FRMPD4: variants seen among roughly 807,000 people sequenced by gnomAD.
FRMPD4 encodes FERM and PDZ domain containing 4.
In FRMPD4, 22 loss-of-function variants were observed where a neutral mutation model predicts 94.1. That is an observed-to-expected ratio of 0.23 (90% CI 0.17 to 0.33). The LOEUF (loss-of-function observed/expected upper bound fraction) is 0.33, where lower values mean the gene tolerates loss of function less well. Ranked by LOEUF, FRMPD4 falls within the 10% of genes least tolerant of loss-of-function variation. The pLI, the probability that FRMPD4 is intolerant of heterozygous loss-of-function variation, is 1.00. For missense variants in FRMPD4, 1,111 were observed against 1,339.9 expected, an observed-to-expected ratio of 0.83 and a Z score of 2.67; for synonymous variants, 631 against 548.6, an observed-to-expected ratio of 1.15 and a Z score of -2.10.
chrX:12,263,729 T>C (rs771323959), intron 1 of FRMPD4, among the ~76,000 whole-genome samples: 4 of 110,230 alleles, frequency 3.6e-5, no homozygotes, highest in Admixed American at 9.6e-5. Flanking sequence ...AGTTTGGATA[T>C]GGAGTGTGTC....
At chrX:12,653,733 T>TAA (rs35537156) in intron 4 of FRMPD4, among the ~76,000 whole-genome samples, 8,761 of 93,352 alleles carry the variant, frequency 0.094, 492 homozygotes, top group African/African-American at 0.18. Flanking sequence ...TATGACTTAC[T>TAA]AAAAAAAAAA....
At chrX:12,195,277 C>T (rs1233673926) in intron 1 of FRMPD4, among the ~76,000 whole-genome samples, 1 of 108,187 alleles carries the variant, frequency 9.2e-6, no homozygotes, top group Non-Finnish European at 1.9e-5. Context: ...TTTGGGATCA[C>T]AAAGACCACC....
chrX:12,305,747 T>TTTTTTTTTTG (rs1569225517), intron 1 of FRMPD4, among the ~76,000 whole-genome samples: 1 of 91,699 alleles, frequency 1.1e-5, no homozygotes, highest in Admixed American at 1.3e-4. Flanking sequence ...TTTTTTTTTT[T>TTTTTTTTTTG]ACAGAGACAG....
At chrX:12,593,406 T>G (rs2059000713) in intron 2 of FRMPD4, among the ~76,000 whole-genome samples, 1 of 112,213 alleles carries the variant, frequency 8.9e-6, no homozygotes, top group Non-Finnish European at 1.9e-5. Flanking sequence ...TATATTAAAC[T>G]TTCATTGTGA....
At chrX:12,299,160 A>G (rs1039001058) in intron 1 of FRMPD4, among the ~76,000 whole-genome samples, 9 of 111,603 alleles carry the variant, frequency 8.1e-5, no homozygotes, top group Non-Finnish European at 1.5e-4. Context: ...ACTGTCTTCA[A>G]ATTTGTACTT....
intron 2 of FRMPD4, among the ~76,000 whole-genome samples, chrX:12,503,513 A>G (rs1226947549): frequency 8.9e-6 from 1 of 112,479 alleles, no homozygotes; most frequent in Admixed American, 9.4e-5. Context: ...GTTCTGCAGT[A>G]TGGGCTTGGC....
rs188611485 is a variant in FRMPD4, at chrX:11,904,441, G to A, written c.95+26423G>A. Among the ~76,000 whole-genome samples the A allele has an allele frequency of 2.4e-3, 273 of 112,336 alleles. 1 individual carries two copies. The highest frequency in any genetic ancestry group is 4.4e-3 in the Non-Finnish European group (234 of 53,230). ...TATCCTTGATCCTCTTAGATGAAAG[G>A]CAGGGGACGTTGTTAAAATGTTGGC... On this transcript the variant is annotated intron_variant, in intron 3 of 18. Transcript: ENST00000640291.
At chrX:12,394,308 T>A (rs1268333230) in intron 1 of FRMPD4, among the ~76,000 whole-genome samples, 1 of 111,480 alleles carries the variant, frequency 9.0e-6, no homozygotes, top group Non-Finnish European at 1.9e-5. Flanking sequence ...AATGAAGGAA[T>A]TGAAGTTAGT....
At position 12,702,017 on chromosome X, in the gene FRMPD4, G is replaced by A. The variant is rs760086099; in HGVS notation, c.1070+7G>A. 1.7e-6 allele frequency: 2 copies of A among 1,206,418 alleles called. No homozygotes were observed. The highest frequency in any genetic ancestry group is 3.5e-5 in the African/African-American group (2 of 57,536). ...TCTCCCTCAAATACATCGAGTAAGT[G>A]TTGACTCTCAGCGCCATTTCGGAGA... On this transcript the variant is annotated splice_region_variant and intron_variant, in intron 10 of 16. Transcript: ENST00000675598.
chrX:11,830,637 T>A lies in FRMPD4; in HGVS notation c.-161+7922T>A, dbSNP rs1292315595. Among the ~76,000 whole-genome samples, 4 of 112,233 alleles carry A rather than the reference T, an allele frequency of 3.6e-5. No individual in the cohort carries two copies. In the East Asian group the frequency reaches 1.1e-3, roughly 31 times the overall value. On this transcript the variant is annotated intron_variant, in intron 1 of 18. Transcript: ENST00000640291. The stretch of plus-strand genomic sequence containing the variant: ...AATGTATTTTAATAAAGTAATTTTT[T>A]AAAAAAGCTTGTATGCAGTGGCATC...
intron 5 of FRMPD4, among the ~76,000 whole-genome samples, chrX:12,677,145 G>A (rs1019086871): frequency 2.7e-5 from 3 of 110,712 alleles, no homozygotes; most frequent in Non-Finnish European, 1.9e-5. Flanking sequence ...GTTTAGCAGC[G>A]TCCCTGGCCT....
chrX:12,498,772 G>A lies in FRMPD4; in HGVS notation c.134G>A (p.Arg45Gln), dbSNP rs777880840. 1.6e-5 allele frequency: 18 copies of A among 1,145,710 alleles called. No homozygotes were observed. The highest frequency in any genetic ancestry group is 6.0e-5 in the East Asian group (2 of 33,502). The allele number at this position is 1,145,710 out of a possible 1,213,427, so 94.4% of individuals were successfully genotyped here. Reference protein sequence around the residue: ...PPYGWEMTANRDGRDYFINHM... With the variant: ...PPYGWEMTANQDGRDYFINHM... ...TATGGATGGGAGATGACGGCAAACC[G>A]AGATGGGCGAGACTACTTCATCAAG... Residue 45 changes from arginine (R) to glutamine (Q), a missense_variant, in exon 2 of 17, where the codon CGA becomes CAA. Arg to Gln is a conservative substitution (Grantham distance 43, BLOSUM62 1). Coordinates refer to ENST00000675598, the MANE Select transcript of FRMPD4 (RefSeq NM_001368397.1).
chrX:12,604,262 C>T (rs1270177362), intron 2 of FRMPD4, among the ~76,000 whole-genome samples: 1 of 111,742 alleles, frequency 8.9e-6, no homozygotes, highest in Admixed American at 9.5e-5. Context: ...TCTTATTTCC[C>T]TCAAGACTCA....
chrX:12,161,984 T>C (rs760152120), intron 1 of FRMPD4, among the ~76,000 whole-genome samples: 14 of 111,585 alleles, frequency 1.3e-4, no homozygotes, highest in Non-Finnish European at 2.6e-4. Context: ...CTATTACATA[T>C]CGCTTTCCTT....
At chrX:12,023,967 A>C (rs1170299445) in intron 3 of FRMPD4, among the ~76,000 whole-genome samples, 1 of 111,340 alleles carries the variant, frequency 9.0e-6, no homozygotes, top group Non-Finnish European at 1.9e-5. Context: ...CTGGGAGACT[A>C]CTTTTTTTTC....
At chrX:12,292,219 A>G (rs1208770585) in intron 1 of FRMPD4, among the ~76,000 whole-genome samples, 1 of 112,032 alleles carries the variant, frequency 8.9e-6, no homozygotes, top group Non-Finnish European at 1.9e-5. Context: ...TGGATTGGAT[A>G]CTTTAGGAAG....
At chrX:12,690,462 G>A (rs756240919) in intron 8 of FRMPD4, 136 bp downstream of exon 8, 77 of 499,437 alleles carry the variant, frequency 1.5e-4, no homozygotes, top group Non-Finnish European at 2.2e-4. Context: ...GGAAGTGCTG[G>A]CATTCTTAAT....
intron 3 of FRMPD4, among the ~76,000 whole-genome samples, chrX:12,093,534 T>A (rs1412777330): frequency 9.2e-6 from 1 of 108,643 alleles, no homozygotes; most frequent in Non-Finnish European, 1.9e-5. Flanking sequence ...TTTATTATTA[T>A]TTGATGTTAA....
intron 2 of FRMPD4, among the ~76,000 whole-genome samples, chrX:12,562,169 A>G (rs1032723032): frequency 4.4e-5 from 5 of 112,836 alleles, no homozygotes; most frequent in African/African-American, 1.3e-4. Flanking sequence ...ACCTGTGTAT[A>G]TAAGTCAGAG....
Sources: gnomAD v4.1 joint callset for allele counts (sites outside exome capture counted in the v4.1 genomes callset) on GRCh38, gnomAD v4.1.1 for gene constraint, MANE v1.5 for transcripts, NCBI Gene and HGNC (gene_info 2026-07-23, HGNC 2026-07-21) for gene names.